The following NBAS variants were observed in gnomAD, a reference collection of about 807,000 sequenced individuals.
NBAS encodes the protein NAG/BC035112 fusion.
Under a neutral mutation model 302.5 loss-of-function variants are expected in NBAS, and 219 were observed. That is an observed-to-expected ratio of 0.72 (90% CI 0.65 to 0.81). The LOEUF (loss-of-function observed/expected upper bound fraction) is 0.81. Ranked by LOEUF, NBAS falls within the 30% of genes least tolerant of loss-of-function variation. The pLI is 0.00. For missense variants in NBAS, 2,932 were observed against 2,841.6 expected (o/e 1.03, Z -0.72); for synonymous variants, 1,118 against 1,021.6 (o/e 1.09, Z -1.80).
intron 7 of NBAS, among the ~76,000 whole-genome samples, chr2:15,537,039 A>G (rs1202538248): frequency 1.3e-5 from 2 of 152,228 alleles, no homozygotes; most frequent in African/African-American, 4.8e-5. Flanking sequence ...CATTAACCAA[A>G]TACCAGGCTA....
intron 48 of NBAS, among the ~76,000 whole-genome samples, chr2:15,216,707 G>A (rs757145969): frequency 5.3e-5 from 8 of 152,150 alleles, no homozygotes; most frequent in South Asian, 2.1e-4. Flanking sequence ...TGAAGAGCTC[G>A]CGTTCAAATA....
intron 28 of NBAS, among the ~76,000 whole-genome samples, chr2:15,390,235 A>C (rs1463444208): frequency 2.6e-5 from 4 of 152,220 alleles, no homozygotes; most frequent in Non-Finnish European, 5.9e-5. Context: ...CCCTAGAAGG[A>C]GCTCTTCCTC....
the NBAS span, among the ~76,000 whole-genome samples, chr2:14,893,501 G>T: frequency 0.038 from 5,785 of 152,066 alleles, 139 homozygotes; most frequent in Non-Finnish European, 0.051. Context: ...TTCCTTTGAA[G>T]TCACTCTTAA....
the NBAS span, among the ~76,000 whole-genome samples, chr2:14,902,322 G>A: frequency 4.6e-5 from 7 of 152,130 alleles, no homozygotes; most frequent in African/African-American, 1.7e-4. Context: ...AGTAGAGATG[G>A]GGTTTCACCG....
intron 50 of NBAS, among the ~76,000 whole-genome samples, chr2:15,181,449 C>T (rs901183562): frequency 2.0e-5 from 3 of 152,206 alleles, no homozygotes; most frequent in African/African-American, 4.8e-5. Context: ...GCTAAATCCT[C>T]TACTATGTTT....
chr2:14,939,413 C>T, the NBAS span, among the ~76,000 whole-genome samples: 1 of 152,212 alleles, frequency 6.6e-6, no homozygotes, highest in East Asian at 1.9e-4. Flanking sequence ...ACTTGCAAAA[C>T]TTTTCTTCAG....
At chr2:15,144,037 C>A in the NBAS span, among the ~76,000 whole-genome samples, 456 of 45,798 alleles carry the variant, frequency 1.0e-2, 10 homozygotes, top group African/African-American at 0.074. Context: ...ATATATTATC[C>A]TATATATAAA....
chr2:15,336,753 T>C (rs1672605570), intron 35 of NBAS, among the ~76,000 whole-genome samples: 2 of 152,078 alleles, frequency 1.3e-5, no homozygotes, highest in Admixed American at 6.6e-5. Flanking sequence ...GTCTCATATG[T>C]TGTATTCAGA....
At chr2:15,059,425 G>A in the NBAS span, among the ~76,000 whole-genome samples, 1 of 151,850 alleles carries the variant, frequency 6.6e-6, no homozygotes, top group Admixed American at 6.6e-5. Flanking sequence ...TGACACTTTG[G>A]ACTGGACCCT....
chr2:15,415,041 C>A (rs1676859221), intron 25 of NBAS, among the ~76,000 whole-genome samples: 1 of 152,140 alleles, frequency 6.6e-6, no homozygotes, highest in Admixed American at 6.5e-5. Context: ...AACCTCTTTT[C>A]CTGTTTGTGG....
chr2:15,316,653 G>A (rs1029199359), intron 38 of NBAS, among the ~76,000 whole-genome samples: 1 of 152,212 alleles, frequency 6.6e-6, no homozygotes, highest in Non-Finnish European at 1.5e-5. Context: ...GAACTGTGAG[G>A]CAGCAGCCTG....
chr2:15,176,519 A>G (rs1664549043), intron 51 of NBAS, among the ~76,000 whole-genome samples: 2 of 152,214 alleles, frequency 1.3e-5, no homozygotes, highest in African/African-American at 4.8e-5. Context: ...TAAAATCTGT[A>G]TAATGTTGAC....
At chr2:15,012,002 C>T in the NBAS span, among the ~76,000 whole-genome samples, 20 of 152,092 alleles carry the variant, frequency 1.3e-4, no homozygotes, top group African/African-American at 4.1e-4. Flanking sequence ...AGGAACACAT[C>T]AAACATGAAA....
At chr2:15,066,700 G>C in the NBAS span, among the ~76,000 whole-genome samples, 2 of 152,174 alleles carry the variant, frequency 1.3e-5, no homozygotes, top group African/African-American at 2.4e-5. Flanking sequence ...CAAAAGGTAA[G>C]TGTTGGCAAA....
the NBAS span, among the ~76,000 whole-genome samples, chr2:14,846,024 A>G: frequency 6.6e-6 from 1 of 152,202 alleles, no homozygotes; most frequent in Non-Finnish European, 1.5e-5. Context: ...TCCCAAACCT[A>G]GAGAAAGATA....
chr2:15,097,937 ATATAT>A, the NBAS span, among the ~76,000 whole-genome samples: 2 of 115,406 alleles, frequency 1.7e-5, no homozygotes, highest in Admixed American at 1.3e-4. Context: ...TATATTACAT[ATATAT>A]TATATTGTAT....
the NBAS span, among the ~76,000 whole-genome samples, chr2:14,904,189 A>C: frequency 2.0e-5 from 3 of 152,374 alleles, no homozygotes; most frequent in Admixed American, 2.0e-4. Context: ...TACATATGAA[A>C]GGGAGTTTAT....
intron 8 of NBAS, among the ~76,000 whole-genome samples, chr2:15,535,238 T>C (rs1430766032): frequency 2.0e-5 from 3 of 152,148 alleles, no homozygotes; most frequent in African/African-American, 7.2e-5. Flanking sequence ...AATGGCATAG[T>C]AGGCCAGGCG....
chr2:15,205,554 A>AG (rs1190917966), intron 48 of NBAS, among the ~76,000 whole-genome samples: 2 of 152,156 alleles, frequency 1.3e-5, no homozygotes, highest in Non-Finnish European at 1.5e-5. Context: ...CTCAAAATAA[A>AG]GGGGGAAAAA....
Sources: gnomAD v4.1 joint callset for allele counts (sites outside exome capture counted in the v4.1 genomes callset) on GRCh38, gnomAD v4.1.1 for gene constraint, MANE v1.5 for transcripts, NCBI Gene and HGNC (gene_info 2026-07-23, HGNC 2026-07-21) for gene names.